BARD1: variants seen among roughly 807,000 people sequenced by gnomAD.
BARD1 encodes BRCA1-associated RING domain protein 1.
BARD1 carries 73 observed loss-of-function variants against 77.0 expected under a neutral mutation model. That is an observed-to-expected ratio of 0.95 (90% CI 0.79 to 1.15). The LOEUF is 1.15. BARD1 is among the 50% of genes most tolerant of loss of function. BARD1 has a pLI of 0.00. For missense variants in BARD1, 993 were observed against 938.8 expected (o/e 1.06, Z -0.75); for synonymous variants, 384 against 338.0 (o/e 1.14, Z -1.49).
In BARD1 at chr2:214,781,408, A is replaced by T. The variant is rs1172089451; in HGVS notation, c.466T>A (p.Tyr156Asn). The T allele has an allele frequency of 6.2e-7, 1 of 1,613,604 alleles. No homozygotes were observed. The highest frequency in any genetic ancestry group is 1.1e-5 in the South Asian group (1 of 91,038). ...TGCACTGAAGCTTTACTCACAACAT[A>T]TCTGACTTTCTTACTTCGAGGGCTA... Reference protein sequence around the residue: ...WFSPRSKKVRYVVSKASVQTQ... With the variant: ...WFSPRSKKVRNVVSKASVQTQ... Residue 156 changes from tyrosine (Y) to asparagine (N), a missense_variant, in exon 4 of 11, where the codon TAT becomes AAT. Coordinates refer to ENST00000260947, the MANE Select transcript of BARD1 (RefSeq NM_000465.4).
At chr2:214,730,562 T>A in intron 9 of BARD1, 54 bp from the exon 10 acceptor site, 4 of 1,414,404 alleles carry the variant, frequency 2.8e-6, no homozygotes, top group Non-Finnish European at 4.0e-6. Flanking sequence ...GCACTATATC[T>A]CTCTCATTAA....
rs1029124378 is a variant in BARD1 at position 214,727,790 on chromosome 2, A to C, written c.*886T>G. The C allele has an allele frequency of 8.9e-6, 2 of 225,974 alleles. No individual in the cohort carries two copies. The highest frequency in any genetic ancestry group is 1.8e-5 in the Non-Finnish European group (2 of 113,602). 14.0% of individuals were successfully genotyped at this position (225,974 alleles called of 1,614,324 possible). ...TACAAAGGAAGAAATTAAGACCTTCAAAATTATTTTACAAATACCAACAAG... is the reference window on the plus strand; with the variant it reads ...TACAAAGGAAGAAATTAAGACCTTCCAAATTATTTTACAAATACCAACAAG... On this transcript the variant is annotated 3_prime_UTR_variant, in exon 11 of 11. Coordinates refer to ENST00000260947, the MANE Select transcript of BARD1 (RefSeq NM_000465.4).
At chr2:214,800,851 T>A (rs1368397035) in intron 1 of BARD1, among the ~76,000 whole-genome samples, 1 of 152,204 alleles carries the variant, frequency 6.6e-6, no homozygotes, top group Non-Finnish European at 1.5e-5. Context: ...GCCTTCAAAA[T>A]AATTCTTGAC....
Position 214,767,440 on chromosome 2 carries a change from A to G in BARD1, c.1568+42T>C, listed in dbSNP as rs5031010. 0.056 allele frequency: 88,158 copies of G among 1,578,278 alleles called. 2,595 individuals carry two copies. The highest frequency in any genetic ancestry group is 0.073 in the Admixed American group (4,375 of 59,904). ...TTATCACACACCTTGATTCAAGAAT[A>G]TAGGTCCATTTTAAAAATAATTTTT... On this transcript the variant is annotated intron_variant, in intron 6 of 10. Coordinates refer to ENST00000260947, the MANE Select transcript of BARD1 (RefSeq NM_000465.4).
chr2:214,786,397 T>C (rs930842852), intron 3 of BARD1, among the ~76,000 whole-genome samples: 3 of 152,026 alleles, frequency 2.0e-5, no homozygotes, highest in African/African-American at 7.2e-5. Flanking sequence ...TTTTACCAGC[T>C]TAAAATTATT....
intron 3 of BARD1, among the ~76,000 whole-genome samples, chr2:214,788,449 A>G (rs960763055): frequency 6.6e-6 from 1 of 152,082 alleles, no homozygotes; most frequent in African/African-American, 2.4e-5. Flanking sequence ...AGAAAGTATT[A>G]CTACAAATTA....
At chr2:214,742,575 A>G (rs1372197819) in intron 9 of BARD1, among the ~76,000 whole-genome samples, 1 of 152,172 alleles carries the variant, frequency 6.6e-6, no homozygotes. Flanking sequence ...AACCATTGAT[A>G]TTAGAGGATG....
intron 6 of BARD1, among the ~76,000 whole-genome samples, chr2:214,763,589 T>C (rs1209577314): frequency 6.6e-6 from 1 of 152,236 alleles, no homozygotes; most frequent in Non-Finnish European, 1.5e-5. Context: ...TCAGCCAAAG[T>C]AGCAAACCCT....
At chr2:214,737,875 TA>T (rs1232218588) in intron 9 of BARD1, among the ~76,000 whole-genome samples, 2 of 152,120 alleles carry the variant, frequency 1.3e-5, no homozygotes, top group African/African-American at 4.8e-5. Context: ...ATATTTGTAA[TA>T]AACAGTTAAT....
chr2:214,790,299 C>G (rs78861528), intron 3 of BARD1, among the ~76,000 whole-genome samples: 2,243 of 152,194 alleles, frequency 0.015, 13 homozygotes, highest in Middle Eastern at 0.031. Context: ...CCTAACCCCC[C>G]AGTAACTTAG....
At chr2:214,781,804 T>C (rs1695053605) in intron 3 of BARD1, among the ~76,000 whole-genome samples, 1 of 152,188 alleles carries the variant, frequency 6.6e-6, no homozygotes, top group Non-Finnish European at 1.5e-5. Context: ...TCTAACAGAA[T>C]GTATAAGTTC....
At chr2:214,752,637 A>C in intron 6 of BARD1, 82 bp from the exon 7 acceptor site, 1 of 988,132 alleles carries the variant, frequency 1.0e-6, no homozygotes, top group Admixed American at 1.8e-5. Flanking sequence ...ATAATATACA[A>C]TTTTAACTAA....
intron 3 of BARD1, among the ~76,000 whole-genome samples, chr2:214,783,601 T>C (rs1037180411): frequency 1.3e-5 from 2 of 151,962 alleles, no homozygotes; most frequent in African/African-American, 4.8e-5. Flanking sequence ...TTAGGACAAA[T>C]ACCTAATGCA....
chr2:214,768,729 T>G (rs566330533), intron 5 of BARD1, among the ~76,000 whole-genome samples: 1 of 152,228 alleles, frequency 6.6e-6, no homozygotes, highest in Non-Finnish European at 1.5e-5. Context: ...CACACTTTTT[T>G]AGTAATAATA....
At chr2:214,770,363 T>G (rs1295982911) in intron 4 of BARD1, among the ~76,000 whole-genome samples, 1 of 152,180 alleles carries the variant, frequency 6.6e-6, no homozygotes, top group Non-Finnish European at 1.5e-5. Flanking sequence ...ATTCCAGTAC[T>G]CTGGAGAGCT....
At chr2:214,730,912 T>C in intron 9 of BARD1, 1 of 457,558 alleles carries the variant, frequency 2.2e-6, no homozygotes, top group Non-Finnish European at 4.4e-6. Flanking sequence ...ACTTACCATC[T>C]ATACTGCTCA....
intron 1 of BARD1, among the ~76,000 whole-genome samples, chr2:214,803,928 C>T (rs1396395375): frequency 6.6e-6 from 1 of 151,996 alleles, no homozygotes; most frequent in Non-Finnish European, 1.5e-5. Context: ...CTTACTGATA[C>T]AAAATTTTCT....
chr2:214,783,268 T>C (rs1484635555), intron 3 of BARD1, among the ~76,000 whole-genome samples: 1 of 152,122 alleles, frequency 6.6e-6, no homozygotes, highest in East Asian at 1.9e-4. Context: ...GGGGCAACTG[T>C]AGTAAGTTTA....
At chr2:214,778,476 ACT>A (rs1367410140) in intron 4 of BARD1, among the ~76,000 whole-genome samples, 1 of 152,120 alleles carries the variant, frequency 6.6e-6, no homozygotes, top group Non-Finnish European at 1.5e-5. Context: ...TTCCGGCAAA[ACT>A]CTAAGCAAAC....
Sources: allele counts gnomAD v4.1 joint callset (sites outside exome capture counted in the v4.1 genomes callset), GRCh38; gene constraint gnomAD v4.1.1; transcripts MANE v1.5; gene names NCBI Gene and HGNC (gene_info 2026-07-23, HGNC 2026-07-21).